Variants in MTMR2 observed in about 807,000 individuals in gnomAD.
MTMR2 encodes the protein myotubularin related protein 2.
In MTMR2, 55 loss-of-function variants were observed where a neutral mutation model predicts 86.9. That is an observed-to-expected ratio of 0.63 (90% CI 0.51 to 0.79). The LOEUF is 0.79. Ranked by LOEUF, MTMR2 falls within the 30% of genes least tolerant of loss-of-function variation. The pLI is 0.00. For synonymous variants in MTMR2, 241 were observed against 266.8 expected (o/e 0.90, Z 0.94); for missense variants, 659 against 772.3 (o/e 0.85, Z 1.74).
At chr11:95,848,000 G>C in intron 9 of MTMR2, 101 bp from the exon 10 acceptor site, 1 of 1,175,476 alleles carries the variant, frequency 8.5e-7, no homozygotes, top group Non-Finnish European at 1.2e-6. Flanking sequence ...CATATTACTG[G>C]AGACAAGGAA....
chr11:95,871,542 G>C (rs1331188935), intron 2 of MTMR2, among the ~76,000 whole-genome samples: 1 of 152,172 alleles, frequency 6.6e-6, no homozygotes, highest in Non-Finnish European at 1.5e-5. Flanking sequence ...GTCTCCTTTT[G>C]AGAAGTATCT....
At chr11:95,908,869 G>A (rs192650016) in intron 1 of MTMR2, among the ~76,000 whole-genome samples, 16 of 152,226 alleles carry the variant, frequency 1.1e-4, no homozygotes, top group African/African-American at 3.9e-4. Context: ...ACTTATCAGA[G>A]TATAGCCAGC....
intron 7 of MTMR2, among the ~76,000 whole-genome samples, chr11:95,852,763 C>A (rs573014563): frequency 3.3e-5 from 5 of 152,242 alleles, no homozygotes; most frequent in African/African-American, 1.2e-4. Flanking sequence ...GCTGGCCGGG[C>A]ACGGTGGCTC....
In MTMR2 at chr11:95,900,115, A is replaced by C. The variant is rs371577311; in HGVS notation, c.81-11854T>G. ...GAGGCCACATAATGACAAAGATAGA[A>C]AATATAGAAGAGCGAGCAGGTTTGG... On this transcript the variant is annotated intron_variant, in intron 1 of 14. Coordinates refer to ENST00000346299, the MANE Select transcript of MTMR2 (RefSeq NM_016156.6). Among the ~76,000 whole-genome samples the C allele has an allele frequency of 5.3e-5, 8 of 152,256 alleles. No homozygotes were observed. In the East Asian group the frequency reaches 1.2e-3, roughly 22 times the overall value.
At chr11:95,885,103 G>C (rs1364847378) in intron 2 of MTMR2, among the ~76,000 whole-genome samples, 1 of 152,060 alleles carries the variant, frequency 6.6e-6, no homozygotes, top group Admixed American at 6.6e-5. Flanking sequence ...AAACAGAGCT[G>C]ATGTATAAAT....
At chr11:95,862,892 T>A (rs1864478487) in intron 3 of MTMR2, among the ~76,000 whole-genome samples, 1 of 152,184 alleles carries the variant, frequency 6.6e-6, no homozygotes, top group Non-Finnish European at 1.5e-5. Context: ...ATGACACACA[T>A]TTAAAATATA....
intron 2 of MTMR2, among the ~76,000 whole-genome samples, chr11:95,885,443 G>A (rs1865482264): frequency 6.6e-6 from 1 of 152,088 alleles, no homozygotes; most frequent in African/African-American, 2.4e-5. Flanking sequence ...TGAGTCTGGA[G>A]CATCTTGTCG....
chr11:95,907,484 A>T (rs1290692360), intron 1 of MTMR2, among the ~76,000 whole-genome samples: 1 of 152,132 alleles, frequency 6.6e-6, no homozygotes, highest in Non-Finnish European at 1.5e-5. Flanking sequence ...CCCCAAAAAA[A>T]TGAGGAGGAA....
chr11:95,916,156 G>GA (rs1431998206), intron 1 of MTMR2, among the ~76,000 whole-genome samples: 2 of 152,062 alleles, frequency 1.3e-5, no homozygotes, highest in African/African-American at 4.8e-5. Flanking sequence ...ACTTTAGGTG[G>GA]AAAATGTCTT....
chr11:95,881,729 A>T (rs969093784), intron 2 of MTMR2, among the ~76,000 whole-genome samples: 1 of 152,152 alleles, frequency 6.6e-6, no homozygotes, highest in Non-Finnish European at 1.5e-5. Context: ...GTTTGTATAT[A>T]GATTTTCTCA....
At chr11:95,852,508 A>T (rs1165902236) in intron 7 of MTMR2, among the ~76,000 whole-genome samples, 1 of 152,122 alleles carries the variant, frequency 6.6e-6, no homozygotes, top group Non-Finnish European at 1.5e-5. Context: ...ATTTATCCCT[A>T]ACTGTTCTTT....
intron 2 of MTMR2, among the ~76,000 whole-genome samples, chr11:95,867,562 A>C (rs1160307580): frequency 6.6e-6 from 1 of 152,218 alleles, no homozygotes; most frequent in Non-Finnish European, 1.5e-5. Flanking sequence ...CAATGAAAAG[A>C]AGCAATACAA....
intron 9 of MTMR2, 145 bp downstream of exon 9, chr11:95,849,529 A>G: frequency 2.6e-6 from 2 of 760,372 alleles, no homozygotes; most frequent in Non-Finnish European, 4.5e-6. Flanking sequence ...AACTAACTCA[A>G]AATCACACCA....
chr11:95,896,924 G>C (rs992345786), intron 1 of MTMR2, among the ~76,000 whole-genome samples: 2 of 150,202 alleles, frequency 1.3e-5, no homozygotes, highest in Non-Finnish European at 3.0e-5. Context: ...AAAAAAACTA[G>C]TGGGAACTGG....
chr11:95,894,471 A>C (rs1565378131), intron 1 of MTMR2, among the ~76,000 whole-genome samples: 1 of 152,294 alleles, frequency 6.6e-6, no homozygotes, highest in South Asian at 2.1e-4. Context: ...ATTATCCCTC[A>C]AGTCAGGTTA....
intron 1 of MTMR2, chr11:95,914,337 A>C (rs1591051483): frequency 8.2e-6 from 8 of 971,754 alleles, no homozygotes; most frequent in Non-Finnish European, 9.8e-6. Flanking sequence ...AAAGGAACTT[A>C]GGGGAATTCA....
chr11:95,904,714 T>A (rs1273662733), intron 1 of MTMR2, among the ~76,000 whole-genome samples: 1 of 152,208 alleles, frequency 6.6e-6, no homozygotes, highest in Non-Finnish European at 1.5e-5. Context: ...GCCACAGCCC[T>A]TGGGGCTGCT....
intron 3 of MTMR2, 76 bp downstream of exon 3, chr11:95,865,525 T>C (rs1864579538): frequency 1.5e-6 from 2 of 1,354,688 alleles, no homozygotes; most frequent in South Asian, 2.3e-5. Context: ...CAGTTTATTC[T>C]CTGTATGCTG....
intron 7 of MTMR2, among the ~76,000 whole-genome samples, chr11:95,856,664 C>G (rs745521544): frequency 1.1e-4 from 16 of 152,028 alleles, no homozygotes; most frequent in Non-Finnish European, 2.4e-4. Context: ...AATTCTCTTT[C>G]TGTATGGGTA....
Sources: gnomAD v4.1 joint callset for allele counts (sites outside exome capture counted in the v4.1 genomes callset) on GRCh38, gnomAD v4.1.1 for gene constraint, MANE v1.5 for transcripts, NCBI Gene and HGNC (gene_info 2026-07-23, HGNC 2026-07-21) for gene names.